The following TSC22D3 variants were observed in gnomAD, a reference collection of about 807,000 sequenced individuals.
The protein encoded by TSC22D3 is TSC22 domain family protein 3.
TSC22D3 carries 4 observed loss-of-function variants against 11.1 expected under a neutral mutation model. That is an observed-to-expected ratio of 0.36 (90% CI 0.18 to 0.83). The LOEUF is 0.83. TSC22D3 is among the 40% of genes least tolerant of loss of function. TSC22D3 has a pLI of 0.48. For synonymous variants in TSC22D3, 77 were observed against 70.3 expected (o/e 1.10, Z -0.48); for missense variants, 118 against 159.4 (o/e 0.74, Z 1.40).
chrX:107,739,940 G>C (rs1421928145), intron 1 of TSC22D3, among the ~76,000 whole-genome samples: 1 of 112,545 alleles, frequency 8.9e-6, no homozygotes, highest in African/African-American at 3.2e-5. Context: ...ACATACACTG[G>C]GCAATGGGAA....
chrX:107,718,807 G>A (rs1325996231), intron 1 of TSC22D3, among the ~76,000 whole-genome samples: 1 of 112,087 alleles, frequency 8.9e-6, no homozygotes, highest in Non-Finnish European at 1.9e-5. Flanking sequence ...AATGATCTCA[G>A]GACATTCTGT....
intron 1 of TSC22D3, among the ~76,000 whole-genome samples, chrX:107,734,095 G>A (rs1351530307): frequency 8.9e-6 from 1 of 111,862 alleles, no homozygotes; most frequent in Non-Finnish European, 1.9e-5. Flanking sequence ...AGCAGTCTGG[G>A]GCATCCTCTA....
chrX:107,744,342 G>A (rs1928557118), intron 1 of TSC22D3, among the ~76,000 whole-genome samples: 1 of 111,028 alleles, frequency 9.0e-6, no homozygotes, highest in Admixed American at 9.6e-5. Flanking sequence ...CAGGCTGGGT[G>A]CGGTGGCTCA....
intron 1 of TSC22D3, among the ~76,000 whole-genome samples, chrX:107,719,861 G>A (rs1329437372): frequency 9.0e-6 from 1 of 111,711 alleles, no homozygotes; most frequent in Non-Finnish European, 1.9e-5. Context: ...ATGGGTGACT[G>A]GAACAATATC....
Position 107,714,455 on chromosome X carries a change from A to T in TSC22D3, c.*64T>A. 1 of 1,052,450 alleles carries T rather than the reference A, an allele frequency of 9.5e-7. No individual in the cohort carries two copies. Among genetic ancestry groups the T allele is most frequent in the African/African-American group, 1.9e-5 (1 of 52,760 alleles). The allele number at this position is 1,052,450 out of a possible 1,213,427, so 86.7% of individuals were successfully genotyped here. A position where few individuals can be genotyped will look rare whatever the true frequency, so the allele number is the denominator to read the frequency against. On this transcript the variant is annotated 3_prime_UTR_variant, in exon 3 of 3. Coordinates refer to ENST00000372383, the MANE Select transcript of TSC22D3 (RefSeq NM_198057.3). Reference sequence around the variant, plus strand: ...TGAGATGATGCTTGGGGAGCCAAAAACAAACTGGAAAGAACTAGGTAAAAC... The same window carrying T: ...TGAGATGATGCTTGGGGAGCCAAAATCAAACTGGAAAGAACTAGGTAAAAC...
intron 1 of TSC22D3, among the ~76,000 whole-genome samples, chrX:107,773,425 C>T (rs1037181865): frequency 9.0e-6 from 1 of 111,658 alleles, no homozygotes; most frequent in African/African-American, 3.3e-5. Flanking sequence ...ACCCCTCCCC[C>T]ACTGCCACTC....
chrX:107,750,353 T>C (rs1928882501), intron 1 of TSC22D3, among the ~76,000 whole-genome samples: 2 of 109,386 alleles, frequency 1.8e-5, no homozygotes, highest in African/African-American at 3.3e-5. Context: ...ATCCCTGGCA[T>C]GGTGAGAAGG....
intron 1 of TSC22D3, among the ~76,000 whole-genome samples, chrX:107,724,961 C>T (rs897376488): frequency 2.7e-5 from 3 of 111,871 alleles, no homozygotes; most frequent in Non-Finnish European, 5.6e-5. Flanking sequence ...TAGAGCCAGT[C>T]CTGGCATAGA....
intron 1 of TSC22D3, among the ~76,000 whole-genome samples, chrX:107,768,239 C>A (rs1929754108): frequency 8.9e-6 from 1 of 112,145 alleles, no homozygotes; most frequent in South Asian, 3.8e-4. Flanking sequence ...GGGGCAAGAA[C>A]TCTGCAGGGT....
At chrX:107,735,222 C>G (rs145884123) in intron 1 of TSC22D3, among the ~76,000 whole-genome samples, 8 of 111,599 alleles carry the variant, frequency 7.2e-5, no homozygotes, top group African/African-American at 2.6e-4. Context: ...TAGCATCCAA[C>G]GGATGGGGCA....
At chrX:107,717,492 C>T (rs1385624342) in intron 1 of TSC22D3, among the ~76,000 whole-genome samples, 2 of 111,956 alleles carry the variant, frequency 1.8e-5, no homozygotes, top group African/African-American at 3.3e-5. Context: ...CAGTCTCTCC[C>T]CTGCACACAT....
chrX:107,716,007 A>G (rs1926996954), intron 1 of TSC22D3, 57 bp from the exon 2 acceptor site: 1 of 1,156,808 alleles, frequency 8.6e-7, no homozygotes, highest in Non-Finnish European at 1.2e-6. Flanking sequence ...TCTTGAGTAC[A>G]TGGCAGTTGT....
Position 107,721,649 on chromosome X carries a change from G to C in TSC22D3, c.321-5699C>G, listed in dbSNP as rs143546689. Among the ~76,000 whole-genome samples, 7 of 112,390 alleles carry C rather than the reference G, an allele frequency of 6.2e-5. No homozygotes were observed. The East Asian group carries it at 1.9e-3, about 31-fold the overall frequency. On this transcript the variant is annotated intron_variant, in intron 1 of 2. Coordinates refer to ENST00000372383, the MANE Select transcript of TSC22D3 (RefSeq NM_198057.3). Reference sequence around the variant, plus strand: ...AGCAAAACACAGGGTCCTGTGTCAGGAGAAGCGGAAAAAGACATGATGCGA... The same window carrying C: ...AGCAAAACACAGGGTCCTGTGTCAGCAGAAGCGGAAAAAGACATGATGCGA...
At chrX:107,721,332 C>G (rs1011007473) in intron 1 of TSC22D3, among the ~76,000 whole-genome samples, 3 of 112,000 alleles carry the variant, frequency 2.7e-5, no homozygotes, top group Non-Finnish European at 5.6e-5. Context: ...AGACTGGACT[C>G]TCTAGGACAA....
intron 1 of TSC22D3, among the ~76,000 whole-genome samples, chrX:107,717,460 C>G (rs1259750409): frequency 8.9e-6 from 1 of 112,264 alleles, no homozygotes; most frequent in Non-Finnish European, 1.9e-5. Context: ...CGGCCTCACC[C>G]TCTTCCCAGT....
intron 1 of TSC22D3, among the ~76,000 whole-genome samples, chrX:107,740,714 T>TAAG (rs1204550921): frequency 9.0e-6 from 1 of 110,999 alleles, no homozygotes; most frequent in Admixed American, 9.6e-5. Context: ...TAAGATTATC[T>TAAG]AAGTTTGTGG....
Position 107,729,865 on chromosome X carries a change from A to G in TSC22D3, c.321-13915T>C, listed in dbSNP as rs545822508. Among the ~76,000 whole-genome samples the G allele has an allele frequency of 3.8e-4, 43 of 113,093 alleles. No individual in the cohort carries two copies. The South Asian group carries it at 0.015, about 40-fold the overall frequency. ...AAGAAAATGTAGAACAGCTTAAAAT[A>G]AGTGGGCGGAATGCCTCCCACTCAT... On this transcript the variant is annotated intron_variant, in intron 1 of 2. Transcript: ENST00000372383.
At chrX:107,774,213 G>A (rs1248018690) in intron 1 of TSC22D3, among the ~76,000 whole-genome samples, 1 of 112,068 alleles carries the variant, frequency 8.9e-6, no homozygotes, top group Non-Finnish European at 1.9e-5. Flanking sequence ...GTTTCCTGAT[G>A]TTGTCTGCCC....
rs144217624 is a variant in TSC22D3, at chrX:107,725,591, C to T, written c.321-9641G>A. On this transcript the variant is annotated intron_variant, in intron 1 of 2. Coordinates refer to ENST00000372383, the MANE Select transcript of TSC22D3 (RefSeq NM_198057.3). ...CGGACGAGGCTTGGCATATTCTAGG[C>T]CTGCTGTCTGTTCTGCCCTTTCTTT... is the stretch of plus-strand genomic sequence containing the variant. Among the ~76,000 whole-genome samples the T allele has an allele frequency of 8.9e-5, 10 of 111,894 alleles. No individual in the cohort carries two copies. In the East Asian group the frequency reaches 2.8e-3, roughly 31 times the overall value.
Sources: gnomAD v4.1 joint callset for allele counts (sites outside exome capture counted in the v4.1 genomes callset) on GRCh38, gnomAD v4.1.1 for gene constraint, MANE v1.5 for transcripts, NCBI Gene and HGNC (gene_info 2026-07-23, HGNC 2026-07-21) for gene names.